DDX46: variants seen among roughly 807,000 people sequenced by gnomAD.
The protein encoded by DDX46 is DEAD-box helicase 46, also known as probable ATP-dependent RNA helicase DDX46.
A neutral mutation model predicts 134.9 loss-of-function variants in DDX46; 30 were observed. The ratio of observed to expected loss-of-function variants is 0.22; its 90% CI spans 0.17 to 0.30. The LOEUF (loss-of-function observed/expected upper bound fraction) is 0.30, where lower values mean the gene tolerates loss of function less well. Ranked by LOEUF, DDX46 falls within the 10% of genes least tolerant of loss-of-function variation. DDX46 has a pLI of 1.00. For synonymous variants in DDX46, 415 were observed against 404.1 expected, an observed-to-expected ratio of 1.03 and a Z score of -0.32; for missense variants, 622 against 1,248.7, an observed-to-expected ratio of 0.50 and a Z score of 7.56.
At chr5:134,780,160 ATATGTG>A (rs1293299213) in intron 6 of DDX46, among the ~76,000 whole-genome samples, 58 of 150,440 alleles carry the variant, frequency 3.9e-4, no homozygotes, top group Admixed American at 3.5e-3. Flanking sequence ...ATGTGCATGT[ATATGTG>A]TATATGTATA....
Position 134,758,849 on chromosome 5 carries a change from G to C in DDX46, c.-90G>C. 19 of 1,598,364 alleles carry C rather than the reference G, an allele frequency of 1.2e-5. No individual in the cohort carries two copies. The highest frequency in any genetic ancestry group is 1.6e-5 in the Non-Finnish European group (19 of 1,166,808). ...CTGCTAGTGTTTAGCGCTGGTCTTT[G>C]CCGGGCGTTGAGGGCAGCTCAGCCT... On this transcript the variant is annotated 5_prime_UTR_variant, in exon 1 of 23. Transcript: ENST00000452510.
At chr5:134,788,671 A>G in intron 12 of DDX46, 80 bp downstream of exon 12, 5 of 1,248,848 alleles carry the variant, frequency 4.0e-6, no homozygotes, top group East Asian at 2.3e-5. Flanking sequence ...CAAGAAACCA[A>G]CAAAGGGTTT....
chr5:134,828,568 GGTTT>G (rs746246512), intron 22 of DDX46, 87 bp from the exon 23 acceptor site: 34 of 770,078 alleles, frequency 4.4e-5, no homozygotes, highest in Non-Finnish European at 5.4e-5. Flanking sequence ...TTTCCTTTTG[GGTTT>G]GTTTGGTTGG....
At position 134,783,249 on chromosome 5, in the gene DDX46, T is replaced by G. The variant is rs373322826; in HGVS notation, c.1166+184T>G. ...ATTATACAACTGGTTTTTTTTTGTT[T>G]TGTTTTGTTTTGTTTTTTGAGACAG... On this transcript the variant is annotated intron_variant, in intron 9 of 22. Coordinates refer to ENST00000452510, the MANE Select transcript of DDX46 (RefSeq NM_001300860.2). 1.8e-4 allele frequency among the ~76,000 whole-genome samples: 28 copies of G among 151,884 alleles called. No individual in the cohort carries two copies. In the East Asian group the frequency reaches 4.5e-3, roughly 25 times the overall value.
At chr5:134,795,201 C>CTTATT (rs1301651132) in intron 14 of DDX46, among the ~76,000 whole-genome samples, 187 bp downstream of exon 14, 24 of 138,148 alleles carry the variant, frequency 1.7e-4, no homozygotes, top group East Asian at 1.3e-3. Flanking sequence ...ATTTAAAATG[C>CTTATT]TTGTTTTTTT....
At chr5:134,780,098 ATGTGTGTGTGTGTGTGTGTGTGTGTGTG>A (rs71583216) in intron 6 of DDX46, among the ~76,000 whole-genome samples, 1 of 139,506 alleles carries the variant, frequency 7.2e-6, no homozygotes. Flanking sequence ...AAAAAAATAT[ATGTGTGTGTGTGTGTGTGTGTGTGTGTG>A]TGTGTGTGTG....
intron 13 of DDX46, 140 bp from the exon 14 acceptor site, chr5:134,794,710 A>G: frequency 9.6e-7 from 1 of 1,041,782 alleles, no homozygotes; most frequent in South Asian, 1.7e-5. Flanking sequence ...TGGAGTTGTC[A>G]TTTCTTGAGA....
Position 134,773,827 on chromosome 5 carries a change from A to G in DDX46, c.579A>G (p.Lys193=). The G allele has an allele frequency of 6.2e-7, 1 of 1,611,296 alleles. No homozygotes were observed. The highest frequency in any genetic ancestry group is 8.5e-7 in the Non-Finnish European group (1 of 1,179,210). The change falls in exon 5 of 23, where the codon AAA becomes AAG. Residue 193 remains lysine (K), a synonymous_variant. Coordinates refer to ENST00000452510, the MANE Select transcript of DDX46 (RefSeq NM_001300860.2). Reference sequence around the variant, plus strand: ...TGAAAAAGGAAATCGAAGAGATGAAACAAGGGAAAAAGTGGAGTTTAGAGG... The same window carrying G: ...TGAAAAAGGAAATCGAAGAGATGAAGCAAGGGAAAAAGTGGAGTTTAGAGG... ...GELKKEIEEM[K]QGKKWSLEDD...
Position 134,811,202 on chromosome 5 carries a change from CT to C in DDX46, c.2149-14del. The C allele has an allele frequency of 6.2e-7, 1 of 1,609,286 alleles. No homozygotes were observed. Among genetic ancestry groups the C allele is most frequent in the African/African-American group, 1.3e-5 (1 of 74,912 alleles). ...ATCTTGTTAGTGTCTAATAATTGTA[CT>C]TTTTCATCATGCATTAGGGTTATGC... On this transcript the variant is annotated intron_variant, in intron 16 of 22. Transcript: ENST00000452510.
intron 3 of DDX46, among the ~76,000 whole-genome samples, chr5:134,769,605 A>G (rs1472215194): frequency 2.0e-5 from 3 of 149,462 alleles, no homozygotes; most frequent in South Asian, 2.1e-4. Flanking sequence ...CAATGGTGCA[A>G]TCTCGGCTCA....
intron 6 of DDX46, among the ~76,000 whole-genome samples, chr5:134,779,219 A>T (rs1754053962): frequency 6.6e-6 from 1 of 151,158 alleles, no homozygotes; most frequent in East Asian, 2.0e-4. Flanking sequence ...TTTGAGATGG[A>T]GTCTTGCTCT....
At chr5:134,799,827 T>C (rs1002767442) in intron 15 of DDX46, among the ~76,000 whole-genome samples, 3 of 151,860 alleles carry the variant, frequency 2.0e-5, no homozygotes, top group Non-Finnish European at 4.4e-5. Flanking sequence ...GAAGGATTGC[T>C]TGAGTCTAGG....
intron 15 of DDX46, 68 bp downstream of exon 15, chr5:134,796,218 CGAT>C (rs1754649540): frequency 1.3e-6 from 2 of 1,518,818 alleles, no homozygotes; most frequent in Admixed American, 1.9e-5. Flanking sequence ...GCTGTGTTCT[CGAT>C]GATACTTACT....
rs1270383192 is a variant in DDX46, at chr5:134,809,164, A to AT, written c.2148+1230dup. Among the ~76,000 whole-genome samples, 10 of 152,162 alleles carry AT rather than the reference A, an allele frequency of 6.6e-5. No individual in the cohort carries two copies. In the East Asian group the frequency reaches 1.9e-3, roughly 29 times the overall value. ...TAACCTGTTGGAAGGAGTCAAGAAT[A>AT]TTTTTTTGGAAAGGGCCATGTACTG... On this transcript the variant is annotated intron_variant, in intron 16 of 22. Transcript: ENST00000452510.
At chr5:134,780,987 C>A in intron 6 of DDX46, 146 bp from the exon 7 acceptor site, 1 of 523,382 alleles carries the variant, frequency 1.9e-6, no homozygotes, top group Non-Finnish European at 3.2e-6. Context: ...TATGATCACA[C>A]CACTCAAGCC....
Position 134,764,027 on chromosome 5 carries a change from G to A in DDX46, c.141G>A (p.Arg47=). 1 of 1,614,232 alleles carries A rather than the reference G, an allele frequency of 6.2e-7. No individual in the cohort carries two copies. Among genetic ancestry groups the A allele is most frequent in the Non-Finnish European group, 8.5e-7 (1 of 1,180,042 alleles). The part of the protein sequence containing the change: ...DRRSRSRDRD[R]RRERSRSRDK... Reference sequence around the variant, plus strand: ...GGTCTAGAAGTAGAGATAGAGATAGGAGGAGAGAGAGGTCTCGTAGCAGGG... The same window carrying A: ...GGTCTAGAAGTAGAGATAGAGATAGAAGGAGAGAGAGGTCTCGTAGCAGGG... The change falls in exon 2 of 23, where the codon AGG becomes AGA. Residue 47 remains arginine (R), a synonymous_variant. Transcript: ENST00000452510.
intron 21 of DDX46, among the ~76,000 whole-genome samples, chr5:134,821,648 C>T (rs1447517525): frequency 6.6e-6 from 1 of 151,612 alleles, no homozygotes; most frequent in East Asian, 1.9e-4. Flanking sequence ...CCTCTGCCTC[C>T]CAGGCTTAAG....
intron 21 of DDX46, among the ~76,000 whole-genome samples, chr5:134,823,157 CTTTTTTTTT>C (rs201053941): frequency 9.0e-6 from 1 of 111,218 alleles, no homozygotes; most frequent in Admixed American, 9.4e-5. Context: ...TTAATTTCAT[CTTTTTTTTT>C]TTTTTTTTTT....
chr5:134,817,447 C>G (rs1755314759), intron 19 of DDX46, 49 bp from the exon 20 acceptor site: 1 of 1,571,018 alleles, frequency 6.4e-7, no homozygotes, highest in Admixed American at 1.8e-5. Flanking sequence ...GGTCCCTACT[C>G]TTGTCTCTGC....
Sources: gnomAD v4.1 joint callset for allele counts (sites outside exome capture counted in the v4.1 genomes callset) on GRCh38, gnomAD v4.1.1 for gene constraint, MANE v1.5 for transcripts, NCBI Gene and HGNC (gene_info 2026-07-23, HGNC 2026-07-21) for gene names.